The following GAS2 variants were observed in gnomAD, a reference collection of about 807,000 sequenced individuals.
GAS2 encodes the protein growth arrest-specific protein 2.
GAS2 carries 20 observed loss-of-function variants against 37.5 expected under a neutral mutation model. That is an observed-to-expected ratio of 0.53 (90% CI 0.37 to 0.77). The LOEUF is 0.77. GAS2 is among the 30% of genes least tolerant of loss of function. The pLI, the probability that GAS2 is intolerant of heterozygous loss-of-function variation, is 0.00. For missense variants in GAS2, 336 were observed against 373.4 expected (o/e 0.90, Z 0.82); for synonymous variants, 144 against 132.2 (o/e 1.09, Z -0.61).
intron 7 of GAS2, among the ~76,000 whole-genome samples, chr11:22,798,451 T>C (rs148903163): frequency 2.3e-4 from 35 of 152,138 alleles, no homozygotes; most frequent in African/African-American, 7.2e-4. Context: ...GGCAGCCTGA[T>C]AAAGGAAAAA....
At chr11:22,747,254 T>C (rs1478729070) in intron 5 of GAS2, among the ~76,000 whole-genome samples, 1 of 152,158 alleles carries the variant, frequency 6.6e-6, no homozygotes, top group Non-Finnish European at 1.5e-5. Context: ...TGTGCCAAGA[T>C]CTTATGTAAG....
At chr11:22,718,914 T>C (rs1322016916) in intron 3 of GAS2, among the ~76,000 whole-genome samples, 1 of 152,074 alleles carries the variant, frequency 6.6e-6, no homozygotes, top group African/African-American at 2.4e-5. Flanking sequence ...ACACAGTATA[T>C]AAAAATGGAA....
chr11:22,695,589 G>A (rs1181284886), intron 3 of GAS2, among the ~76,000 whole-genome samples: 1 of 152,046 alleles, frequency 6.6e-6, no homozygotes. Flanking sequence ...CCAGGATCTG[G>A]CAAGGGGACA....
rs1315267381 is a variant in GAS2, at chr11:22,636,994, T to G, written c.-21+11181T>G. 2.1e-5 allele frequency among the ~76,000 whole-genome samples: 3 copies of G among 139,546 alleles called. No individual in the cohort carries two copies. The East Asian group carries it at 6.4e-4, about 30-fold the overall frequency. 91.5% of individuals were successfully genotyped at this position (139,546 alleles called of 152,430 possible). A position where few individuals can be genotyped will look rare whatever the true frequency, so the allele number is the denominator to read the frequency against. ...TTTATATCAATAGTACATTTAACTA[T>G]AATATAAATATTTATATTATTATAT... On this transcript the variant is annotated intron_variant, in intron 1 of 5. Transcript: ENST00000528582.
intron 1 of GAS2, among the ~76,000 whole-genome samples, chr11:22,641,850 C>A (rs900165530): frequency 1.3e-5 from 2 of 152,158 alleles, no homozygotes; most frequent in Non-Finnish European, 2.9e-5. Flanking sequence ...TCCCAAATAC[C>A]TGTCATTGCC....
chr11:22,716,649 AAAAAAAAAG>A (rs1851693325), intron 3 of GAS2, among the ~76,000 whole-genome samples: 1 of 151,946 alleles, frequency 6.6e-6, no homozygotes, highest in South Asian at 2.1e-4. Context: ...GTCTCAAAAA[AAAAAAAAAG>A]AAAAAAAGAA....
chr11:22,723,417 A>G (rs1415023647), intron 3 of GAS2, among the ~76,000 whole-genome samples: 1 of 151,976 alleles, frequency 6.6e-6, no homozygotes, highest in Non-Finnish European at 1.5e-5. Flanking sequence ...ATTTTCATTT[A>G]TACGCTCAGT....
At chr11:22,802,469 A>C (rs912766850) in intron 7 of GAS2, among the ~76,000 whole-genome samples, 2 of 146,316 alleles carry the variant, frequency 1.4e-5, no homozygotes, top group African/African-American at 4.9e-5. Context: ...AAAAAAAAAA[A>C]CCCAAGCTGA....
intron 7 of GAS2, among the ~76,000 whole-genome samples, chr11:22,810,569 T>C (rs1857107974): frequency 6.6e-6 from 1 of 152,198 alleles, no homozygotes; most frequent in Admixed American, 6.6e-5. Context: ...TTAATTCTTA[T>C]AAATCAAATA....
chr11:22,729,131 A>T (rs1565113635), intron 4 of GAS2, among the ~76,000 whole-genome samples: 1 of 151,806 alleles, frequency 6.6e-6, no homozygotes, highest in Non-Finnish European at 1.5e-5. Context: ...AAATGAAAAG[A>T]TGCTCTGATG....
chr11:22,715,824 A>G (rs1007543801), intron 3 of GAS2, among the ~76,000 whole-genome samples: 2 of 152,114 alleles, frequency 1.3e-5, no homozygotes, highest in Non-Finnish European at 1.5e-5. Flanking sequence ...TAAAGAGCTA[A>G]TCTTCCCTAA....
At chr11:22,764,184 T>TTA (rs926430909) in intron 7 of GAS2, among the ~76,000 whole-genome samples, 56 of 152,244 alleles carry the variant, frequency 3.7e-4, no homozygotes, top group African/African-American at 1.3e-3. Context: ...TAAGATTTTT[T>TTA]AAAAAAATTT....
chr11:22,652,983 TTCTTTCTTTG>T, intron 1 of GAS2, among the ~76,000 whole-genome samples: 2 of 136,550 alleles, frequency 1.5e-5, no homozygotes, highest in African/African-American at 6.2e-5. Flanking sequence ...TTCTTTGTCT[TTCTTTCTTTG>T]TCTTTCTTTC....
At chr11:22,647,569 T>A (rs1590566940) in intron 1 of GAS2, among the ~76,000 whole-genome samples, 1 of 152,204 alleles carries the variant, frequency 6.6e-6, no homozygotes, top group South Asian at 2.1e-4. Context: ...TTTCTCCGCA[T>A]CCTCTCCAGC....
intron 1 of GAS2, among the ~76,000 whole-genome samples, chr11:22,641,383 A>G (rs1848628552): frequency 6.7e-6 from 1 of 148,988 alleles, no homozygotes; most frequent in Non-Finnish European, 1.5e-5. Flanking sequence ...GTTCTAGGGT[A>G]CATGTGCACA....
upstream of GAS2, among the ~76,000 whole-genome samples, chr11:22,665,517 C>T (rs769255920): frequency 6.6e-6 from 1 of 152,064 alleles, no homozygotes; most frequent in Non-Finnish European, 1.5e-5. Flanking sequence ...TTATGTTGAC[C>T]TTTTAAAAAT....
At chr11:22,667,493 C>T (rs1849031023) in intron 1 of GAS2, among the ~76,000 whole-genome samples, 1 of 152,120 alleles carries the variant, frequency 6.6e-6, no homozygotes, top group African/African-American at 2.4e-5. Context: ...AATAAACAAA[C>T]GCTAGCCGAT....
chr11:22,629,818 G>A (rs888426209), intron 1 of GAS2, among the ~76,000 whole-genome samples: 6 of 152,034 alleles, frequency 3.9e-5, no homozygotes, highest in Non-Finnish European at 8.8e-5. Flanking sequence ...GTTTAATTAA[G>A]TCTCACTTAT....
intron 5 of GAS2, among the ~76,000 whole-genome samples, chr11:22,743,411 C>T (rs1478497073): frequency 6.6e-6 from 1 of 152,006 alleles, no homozygotes. Flanking sequence ...AGATGTTGTG[C>T]CATGTGTCAG....
Sources: gnomAD v4.1 joint callset for allele counts (sites outside exome capture counted in the v4.1 genomes callset) on GRCh38, gnomAD v4.1.1 for gene constraint, MANE v1.5 for transcripts, NCBI Gene and HGNC (gene_info 2026-07-23, HGNC 2026-07-21) for gene names.